Variants in EPB41L4A observed in about 807,000 individuals in gnomAD.
The protein encoded by EPB41L4A is band 4.1-like protein 4A.
In EPB41L4A, 100 loss-of-function variants were observed where a neutral mutation model predicts 108.6. The observed-to-expected ratio is 0.92, with a 90% CI of 0.78 to 1.09. The LOEUF (loss-of-function observed/expected upper bound fraction) is 1.09, where lower values mean the gene tolerates loss of function less well. Ranked by LOEUF, EPB41L4A falls within the 50% of genes least tolerant of loss-of-function variation. The probability of loss-of-function intolerance (pLI) is 0.00; values close to 1 mark genes in which losing one functional copy is unlikely to be tolerated. For synonymous variants in EPB41L4A, 319 were observed against 289.0 expected (o/e 1.10, Z -1.05); for missense variants, 1,030 against 842.7 (o/e 1.22, Z -2.75).
At chr5:112,155,714 C>T (rs1273177525) in intron 12 of EPB41L4A, among the ~76,000 whole-genome samples, 1 of 152,112 alleles carries the variant, frequency 6.6e-6, no homozygotes, top group Admixed American at 6.5e-5. Flanking sequence ...AACTATATTA[C>T]AGCTAACAAA....
chr5:112,257,737 C>T (rs1040733270), intron 9 of EPB41L4A, among the ~76,000 whole-genome samples: 4 of 152,112 alleles, frequency 2.6e-5, no homozygotes, highest in Non-Finnish European at 5.9e-5. Flanking sequence ...AGTAATGCTT[C>T]CATAAGTCTT....
chr5:112,375,936 A>G (rs572138333), intron 1 of EPB41L4A, among the ~76,000 whole-genome samples: 1 of 152,206 alleles, frequency 6.6e-6, no homozygotes, highest in Non-Finnish European at 1.5e-5. Context: ...TGTGCCTCCA[A>G]GGGGTTAGGG....
At chr5:112,221,574 T>G (rs1272200547) in intron 12 of EPB41L4A, among the ~76,000 whole-genome samples, 1 of 152,196 alleles carries the variant, frequency 6.6e-6, no homozygotes, top group Non-Finnish European at 1.5e-5. Context: ...TAGCACTGTG[T>G]TTGGAATTTA....
At chr5:112,168,314 A>G (rs965554218) in intron 22 of EPB41L4A, among the ~76,000 whole-genome samples, 6 of 152,220 alleles carry the variant, frequency 3.9e-5, no homozygotes, top group African/African-American at 1.4e-4. Context: ...GGTAATTGTG[A>G]TGGAGAAGAC....
rs1487840580 is a variant in EPB41L4A at position 112,163,597 on chromosome 5, A to T, written c.*1393T>A. ...TAAAAATTCTCCCTGGGATTAAGTAACACAGTGATTGATATTAGTGGAGTA... is the reference window on the plus strand; with the variant it reads ...TAAAAATTCTCCCTGGGATTAAGTATCACAGTGATTGATATTAGTGGAGTA... On this transcript the variant is annotated 3_prime_UTR_variant, in exon 23 of 23. Coordinates refer to ENST00000261486, the MANE Select transcript of EPB41L4A (RefSeq NM_022140.5). 6.6e-6 allele frequency: 1 copy of T among 152,222 alleles called. No homozygotes were observed. The highest frequency in any genetic ancestry group is 2.4e-5 in the African/African-American group (1 of 41,446). 9.4% of individuals were successfully genotyped at this position (152,222 alleles called of 1,614,324 possible). A position where few individuals can be genotyped will look rare whatever the true frequency, so the allele number is the denominator to read the frequency against.
intron 1 of EPB41L4A, among the ~76,000 whole-genome samples, chr5:112,389,806 T>C (rs1408565337): frequency 1.3e-5 from 2 of 152,202 alleles, no homozygotes; most frequent in African/African-American, 4.8e-5. Context: ...TTTGACAATG[T>C]AATATACGTT....
intron 13 of EPB41L4A, among the ~76,000 whole-genome samples, chr5:112,144,095 A>G (rs1292453069): frequency 6.6e-6 from 1 of 152,186 alleles, no homozygotes. Flanking sequence ...TTTTCTCCCT[A>G]TAATCATTCC....
intron 1 of EPB41L4A, among the ~76,000 whole-genome samples, chr5:112,405,413 T>G (rs960381859): frequency 6.6e-6 from 1 of 152,190 alleles, no homozygotes; most frequent in African/African-American, 2.4e-5. Context: ...TGATAAATAC[T>G]GGTTCTTTTA....
intron 9 of EPB41L4A, among the ~76,000 whole-genome samples, chr5:112,242,590 A>C (rs1232401107): frequency 6.6e-6 from 1 of 152,232 alleles, no homozygotes; most frequent in Non-Finnish European, 1.5e-5. Context: ...ACCTCCTGCC[A>C]TAAATCATAA....
chr5:112,267,277 C>G (rs1211631235), intron 4 of EPB41L4A, among the ~76,000 whole-genome samples: 1 of 151,796 alleles, frequency 6.6e-6, no homozygotes, highest in African/African-American at 2.4e-5. Flanking sequence ...TAAGGTGACT[C>G]GATGTCACTG....
At chr5:112,360,299 T>C (rs1463350895) in intron 1 of EPB41L4A, among the ~76,000 whole-genome samples, 9 of 149,042 alleles carry the variant, frequency 6.0e-5, no homozygotes, top group African/African-American at 1.8e-4. Flanking sequence ...CCTCTCCCCT[T>C]TGCACGGTCT....
chr5:112,321,469 C>G (rs568013792), intron 1 of EPB41L4A, among the ~76,000 whole-genome samples: 1 of 152,158 alleles, frequency 6.6e-6, no homozygotes, highest in Admixed American at 6.5e-5. Flanking sequence ...TGCCTTAATA[C>G]TGCTTTATTT....
intron 1 of EPB41L4A, among the ~76,000 whole-genome samples, chr5:112,343,193 C>T (rs1473098534): frequency 2.6e-5 from 4 of 152,102 alleles, no homozygotes; most frequent in Admixed American, 6.5e-5. Context: ...CAACAGCCCC[C>T]GAAAAACACT....
At chr5:112,180,198 G>A (rs753886452) in intron 18 of EPB41L4A, among the ~76,000 whole-genome samples, 2 of 152,120 alleles carry the variant, frequency 1.3e-5, no homozygotes, top group Non-Finnish European at 2.9e-5. Flanking sequence ...TTGGGGGAAG[G>A]CAGTAAAAAC....
At chr5:112,262,357 G>C (rs1751554330) in intron 7 of EPB41L4A, 137 bp downstream of exon 7, 13 of 690,998 alleles carry the variant, frequency 1.9e-5, no homozygotes, top group Non-Finnish European at 3.2e-5. Flanking sequence ...GAGCTGCTTT[G>C]TGTTAGAAAA....
chr5:112,227,929 G>A (rs1000737081), intron 12 of EPB41L4A, among the ~76,000 whole-genome samples: 1 of 152,202 alleles, frequency 6.6e-6, no homozygotes, highest in African/African-American at 2.4e-5. Context: ...ACTATGGGGG[G>A]TCCAGAGCTG....
intron 1 of EPB41L4A, among the ~76,000 whole-genome samples, chr5:112,337,392 T>A (rs1245411468): frequency 2.0e-5 from 3 of 152,170 alleles, no homozygotes; most frequent in Non-Finnish European, 2.9e-5. Context: ...AACCACCGTG[T>A]TAAGCACTGT....
intron 13 of EPB41L4A, chr5:112,205,906 T>G (rs2150301413): frequency 5.7e-6 from 1 of 174,270 alleles, no homozygotes; most frequent in Non-Finnish European, 1.2e-5. Flanking sequence ...GAGAAGCCCT[T>G]ACTCCAGGCA....
chr5:112,342,254 C>A (rs576565263), intron 1 of EPB41L4A, among the ~76,000 whole-genome samples: 22 of 152,296 alleles, frequency 1.4e-4, no homozygotes, highest in African/African-American at 5.3e-4. Flanking sequence ...AACATGCTAT[C>A]CCAAGTGGCT....
Sources: gnomAD v4.1 joint callset for allele counts (sites outside exome capture counted in the v4.1 genomes callset) on GRCh38, gnomAD v4.1.1 for gene constraint, MANE v1.5 for transcripts, NCBI Gene and HGNC (gene_info 2026-07-23, HGNC 2026-07-21) for gene names.